The following HHLA2 variants were observed in gnomAD, a reference collection of about 807,000 sequenced individuals.
The protein encoded by HHLA2 is HHLA2 member of B7 family, also known as HERV-H LTR-associating protein 2.
In HHLA2, 48 loss-of-function variants were observed where a neutral mutation model predicts 45.9. That is an observed-to-expected ratio of 1.05 (90% CI 0.83 to 1.33). HHLA2 has a LOEUF of 1.33. Among genes scored for constraint, HHLA2 ranks in the 40% most tolerant of loss-of-function variants. The pLI, the probability that HHLA2 is intolerant of heterozygous loss-of-function variation, is 0.00. For missense variants in HHLA2, 462 were observed against 494.3 expected (o/e 0.93, Z 0.62); for synonymous variants, 161 against 173.9 (o/e 0.93, Z 0.59).
At chr3:108,330,905 G>A (rs1414585983) in intron 3 of HHLA2, among the ~76,000 whole-genome samples, 2 of 152,148 alleles carry the variant, frequency 1.3e-5, no homozygotes, top group African/African-American at 4.8e-5. Context: ...TATAATGCCT[G>A]CTTGTGAAAG....
rs1285610339 is a variant in HHLA2 at position 108,327,980 on chromosome 3, A to G, written c.-104-290A>G. On this transcript the variant is annotated intron_variant, in intron 2 of 10. Transcript: ENST00000619531. ...AAACCCTGTCCCTACTAAAAATACA[A>G]AAATTAGCAGGGTCTGGTGATGGGT... Among the ~76,000 whole-genome samples the G allele has an allele frequency of 2.6e-5, 4 of 152,116 alleles. No homozygotes were observed. The East Asian group carries it at 7.7e-4, about 29-fold the overall frequency.
At chr3:108,329,784 A>G (rs2081352912) in intron 3 of HHLA2, among the ~76,000 whole-genome samples, 1 of 151,408 alleles carries the variant, frequency 6.6e-6, no homozygotes, top group African/African-American at 2.4e-5. Flanking sequence ...GGCATCTTTC[A>G]CTCTTCCTAG....
intron 3 of HHLA2, among the ~76,000 whole-genome samples, chr3:108,342,259 C>CTTTTTTT (rs58477416): frequency 3.7e-5 from 4 of 108,088 alleles, no homozygotes; most frequent in East Asian, 6.0e-4. Flanking sequence ...TTCTTTCTCT[C>CTTTTTTT]TTTTTTTTTT....
At chr3:108,337,936 C>T (rs927208710) in intron 3 of HHLA2, among the ~76,000 whole-genome samples, 4 of 152,088 alleles carry the variant, frequency 2.6e-5, no homozygotes, top group African/African-American at 7.2e-5. Context: ...ATTTTAAAGG[C>T]ATTTGAAAAA....
chr3:108,370,955 C>A (rs560208316), intron 8 of HHLA2, among the ~76,000 whole-genome samples: 3,472 of 152,192 alleles, frequency 0.023, 113 homozygotes, highest in African/African-American at 0.079. Flanking sequence ...GGCCAACACT[C>A]AAATTCAGGA....
intron 2 of HHLA2, among the ~76,000 whole-genome samples, chr3:108,315,320 A>C (rs4855640): frequency 0.19 from 29,042 of 152,082 alleles, 3,289 homozygotes; most frequent in East Asian, 0.53. Context: ...ACCAAGATGG[A>C]TCCTGTTCCA....
intron 2 of HHLA2, among the ~76,000 whole-genome samples, chr3:108,319,626 T>C (rs1006700240): frequency 6.6e-6 from 1 of 152,244 alleles, no homozygotes; most frequent in African/African-American, 2.4e-5. Context: ...TTGAAGTTCC[T>C]TTCATGACAA....
At chr3:108,335,019 A>G (rs886893023) in intron 3 of HHLA2, among the ~76,000 whole-genome samples, 4 of 152,336 alleles carry the variant, frequency 2.6e-5, no homozygotes, top group Non-Finnish European at 4.4e-5. Flanking sequence ...ATACTGAATG[A>G]TTCCTGTGGC....
chr3:108,357,993 C>G (rs1560259007), exon 7 of HHLA2: 1 of 1,613,782 alleles, frequency 6.2e-7, no homozygotes, highest in South Asian at 1.1e-5. Context: ...GAGCTCCTCA[C>G]AAAATACAAT....
intron 3 of HHLA2, among the ~76,000 whole-genome samples, chr3:108,347,647 C>A (rs2081690382): frequency 6.6e-6 from 1 of 152,046 alleles, no homozygotes; most frequent in South Asian, 2.1e-4. Flanking sequence ...AAGGAGACAA[C>A]AGTAGGAAAA....
At chr3:108,377,124 A>T (rs1430713050) in intron 10 of HHLA2, 134 bp from the exon 10 acceptor site, 23 of 635,158 alleles carry the variant, frequency 3.6e-5, no homozygotes, top group Non-Finnish European at 6.3e-5. Flanking sequence ...TGGATCTTTA[A>T]TTTCAGATGC....
At chr3:108,332,637 T>C (rs1017044336) in intron 3 of HHLA2, among the ~76,000 whole-genome samples, 7 of 152,200 alleles carry the variant, frequency 4.6e-5, no homozygotes, top group African/African-American at 1.7e-4. Flanking sequence ...GTGCCATCAT[T>C]CTCAGTCTTA....
At chr3:108,315,328 C>T (rs2081084630) in intron 2 of HHLA2, among the ~76,000 whole-genome samples, 2 of 152,152 alleles carry the variant, frequency 1.3e-5, no homozygotes, top group African/African-American at 4.8e-5. Flanking sequence ...GGATCCTGTT[C>T]CATAGAATGG....
chr3:108,333,891 G>A (rs2081428980), intron 3 of HHLA2, among the ~76,000 whole-genome samples: 1 of 152,144 alleles, frequency 6.6e-6, no homozygotes, highest in Admixed American at 6.6e-5. Context: ...TCAAAAGATT[G>A]TAAGAGCTAG....
chr3:108,366,697 A>AGTC (rs1318525583), intron 8 of HHLA2, among the ~76,000 whole-genome samples: 1 of 152,114 alleles, frequency 6.6e-6, no homozygotes, highest in East Asian at 1.9e-4. Context: ...TTCCTGGTTT[A>AGTC]GTCTTAGGAG....
chr3:108,297,889 G>A (rs1249917944), intron 1 of HHLA2, among the ~76,000 whole-genome samples: 1 of 151,812 alleles, frequency 6.6e-6, no homozygotes, highest in Non-Finnish European at 1.5e-5. Flanking sequence ...ACCGGTGTAG[G>A]TCACGTAGTA....
At chr3:108,345,570 A>G (rs957095396) in intron 3 of HHLA2, among the ~76,000 whole-genome samples, 1 of 152,094 alleles carries the variant, frequency 6.6e-6, no homozygotes, top group Non-Finnish European at 1.5e-5. Flanking sequence ...ACCAGCCCCA[A>G]TTTCCAAATG....
At chr3:108,297,899 A>G (rs2080789052) in intron 1 of HHLA2, among the ~76,000 whole-genome samples, 1 of 151,948 alleles carries the variant, frequency 6.6e-6, no homozygotes, top group East Asian at 1.9e-4. Context: ...GTCACGTAGT[A>G]CAGCATTAAA....
chr3:108,324,067 G>T (rs1420081492), intron 2 of HHLA2, among the ~76,000 whole-genome samples: 1 of 152,084 alleles, frequency 6.6e-6, no homozygotes, highest in Non-Finnish European at 1.5e-5. Flanking sequence ...TCATCAAATG[G>T]TAACCCTACT....
Sources: gnomAD v4.1 joint callset for allele counts (sites outside exome capture counted in the v4.1 genomes callset) on GRCh38, gnomAD v4.1.1 for gene constraint, MANE v1.5 for transcripts, NCBI Gene and HGNC (gene_info 2026-07-23, HGNC 2026-07-21) for gene names.